Variants in NALF1 observed in about 807,000 individuals in gnomAD.
NALF1 encodes the protein family with sequence similarity 155 member A.
NALF1 carries 3 observed loss-of-function variants against 48.4 expected under a neutral mutation model. The ratio of observed to expected loss-of-function variants is 0.06; its 90% CI spans 0.03 to 0.16. The LOEUF (loss-of-function observed/expected upper bound fraction) is 0.16. Among genes scored for constraint, NALF1 ranks in the 10% least tolerant of loss-of-function variants. NALF1 has a pLI of 1.00. For missense variants in NALF1, 526 were observed against 571.5 expected (o/e 0.92, Z 0.81); for synonymous variants, 262 against 245.7 (o/e 1.07, Z -0.62).
intron 1 of NALF1, among the ~76,000 whole-genome samples, chr13:107,639,090 G>A (rs1880073776): frequency 6.6e-6 from 1 of 152,154 alleles, no homozygotes; most frequent in Non-Finnish European, 1.5e-5. Context: ...GTTCTCCTGA[G>A]AGAAATAATG....
chr13:107,371,734 C>T (rs1046324506), intron 1 of NALF1, among the ~76,000 whole-genome samples: 1 of 152,084 alleles, frequency 6.6e-6, no homozygotes, highest in South Asian at 2.1e-4. Flanking sequence ...CTTGAGAAGT[C>T]GAGATCAAAA....
At chr13:107,257,348 C>T (rs530202403) in intron 1 of NALF1, among the ~76,000 whole-genome samples, 2 of 152,152 alleles carry the variant, frequency 1.3e-5, no homozygotes. Flanking sequence ...TCTCTCCTCC[C>T]ATGGGGCATA....
At chr13:107,653,483 ATT>A (rs5806674) in intron 1 of NALF1, among the ~76,000 whole-genome samples, 97 of 150,990 alleles carry the variant, frequency 6.4e-4, no homozygotes, top group East Asian at 1.8e-3. Context: ...GCAGAGAGGT[ATT>A]TTTTTTTTTA....
chr13:107,170,843 A>G, intron 2 of NALF1, 57 bp from the exon 3 acceptor site: 3 of 1,505,892 alleles, frequency 2.0e-6, no homozygotes, highest in Non-Finnish European at 2.7e-6. Flanking sequence ...GCGACATAGT[A>G]GAGTGAAGCT....
chr13:107,846,345 G>T (rs763838654), intron 1 of NALF1, among the ~76,000 whole-genome samples: 3 of 152,178 alleles, frequency 2.0e-5, no homozygotes, highest in Non-Finnish European at 2.9e-5. Context: ...ACCACAAAAG[G>T]CATAGAATGT....
At chr13:107,634,051 T>A (rs1266033869) in intron 1 of NALF1, among the ~76,000 whole-genome samples, 3 of 151,960 alleles carry the variant, frequency 2.0e-5, no homozygotes, top group African/African-American at 7.2e-5. Flanking sequence ...TTTAAAATAA[T>A]CAAGATACAT....
At chr13:107,478,812 A>T (rs17466320) in intron 1 of NALF1, among the ~76,000 whole-genome samples, 8,842 of 152,210 alleles carry the variant, frequency 0.058, 344 homozygotes, top group Non-Finnish European at 0.086. Flanking sequence ...TGCCACTTCA[A>T]CACAAAAAGT....
chr13:107,364,776 CGTAAGAGCCTGACAACCT>C (rs56981451), intron 1 of NALF1, among the ~76,000 whole-genome samples: 51,792 of 151,924 alleles, frequency 0.34, 8,873 homozygotes, highest in Non-Finnish European at 0.37. Flanking sequence ...ACCCCAAGCT[CGTAAGAGCCTGACAACCT>C]GACCTAGGAT....
At chr13:107,460,821 G>A (rs756862075) in intron 1 of NALF1, among the ~76,000 whole-genome samples, 1 of 151,994 alleles carries the variant, frequency 6.6e-6, no homozygotes, top group Non-Finnish European at 1.5e-5. Flanking sequence ...AGGATTCTTT[G>A]CAGACTATAT....
chr13:107,164,166 C>T lies in NALF1; in HGVS notation c.*6331G>A, dbSNP rs1566437476. 1.3e-5 allele frequency: 2 copies of T among 152,294 alleles called. No individual in the cohort carries two copies. The highest frequency in any genetic ancestry group is 2.1e-4 in the South Asian group (1 of 4,824). 9.4% of individuals were successfully genotyped at this position (152,294 alleles called of 1,614,324 possible). A position where few individuals can be genotyped will look rare whatever the true frequency, so the allele number is the denominator to read the frequency against. On this transcript the variant is annotated 3_prime_UTR_variant, in exon 3 of 3. Coordinates refer to ENST00000375915, the MANE Select transcript of NALF1 (RefSeq NM_001080396.3). ...AAGTCTGTATTCATAGATCAATGCT[C>T]ATTACCTGGTCTTCACTGAAGTTGT...
At chr13:107,654,004 C>T (rs184893147) in intron 1 of NALF1, among the ~76,000 whole-genome samples, 11 of 151,782 alleles carry the variant, frequency 7.2e-5, no homozygotes, top group Admixed American at 7.2e-4. Context: ...AAATCAAAAC[C>T]CAAATCCATC....
At chr13:107,736,445 T>C (rs1461127091) in intron 1 of NALF1, among the ~76,000 whole-genome samples, 1 of 152,166 alleles carries the variant, frequency 6.6e-6, no homozygotes, top group Non-Finnish European at 1.5e-5. Context: ...TGCAACTCAG[T>C]AGGTGGGAAT....
chr13:107,389,949 G>C (rs1451573880), intron 1 of NALF1, among the ~76,000 whole-genome samples: 2 of 152,078 alleles, frequency 1.3e-5, no homozygotes, highest in Admixed American at 6.5e-5. Context: ...AACATGCCTT[G>C]TCAGATGTTT....
rs1340238771 is a variant in NALF1, at chr13:107,168,952, G to A, written c.*1545C>T. ...CCAAGTGTAGTTAGAGAATAGGAAGGAATGTAAAATTTTTTTTTTAATTAT... is the reference window on the plus strand; with the variant it reads ...CCAAGTGTAGTTAGAGAATAGGAAGAAATGTAAAATTTTTTTTTTAATTAT... On this transcript the variant is annotated 3_prime_UTR_variant, in exon 3 of 3. Transcript: ENST00000375915. The A allele has an allele frequency of 1.1e-5, 1 of 94,994 alleles. No individual in the cohort carries two copies. The allele number at this position is 94,994 out of a possible 1,614,324, so 5.9% of individuals were successfully genotyped here. A position where few individuals can be genotyped will look rare whatever the true frequency, so the allele number is the denominator to read the frequency against.
At chr13:107,666,966 GA>G (rs1880875040) in intron 1 of NALF1, among the ~76,000 whole-genome samples, 1 of 152,054 alleles carries the variant, frequency 6.6e-6, no homozygotes, top group African/African-American at 2.4e-5. Flanking sequence ...TTCTTTTAGT[GA>G]AAAACAATTT....
intron 1 of NALF1, among the ~76,000 whole-genome samples, chr13:107,395,703 C>G (rs940688378): frequency 1.3e-5 from 2 of 152,096 alleles, no homozygotes; most frequent in African/African-American, 4.8e-5. Flanking sequence ...ACAGTTCTTG[C>G]GGCTGGAAAT....
rs181979124 is a variant in NALF1 at position 107,716,111 on chromosome 13, T to C, written c.915+149571A>G. On this transcript the variant is annotated intron_variant, in intron 1 of 2. Coordinates refer to ENST00000375915, the MANE Select transcript of NALF1 (RefSeq NM_001080396.3). ...ATTTATGTCACCTTGCAAGGCAACA[T>C]TGATACCTTAGATCCCCCATCAATG... Among the ~76,000 whole-genome samples the C allele has an allele frequency of 5.1e-3, 777 of 152,286 alleles. 5 individuals are homozygous for C. Among genetic ancestry groups the C allele is most frequent in the Non-Finnish European group, 7.0e-3 (478 of 68,024 alleles).
intron 1 of NALF1, among the ~76,000 whole-genome samples, chr13:107,298,948 CT>C (rs1468483242): frequency 6.6e-6 from 1 of 151,876 alleles, no homozygotes; most frequent in African/African-American, 2.4e-5. Flanking sequence ...TTTTTTTCCC[CT>C]AATGTTCTTT....
intron 1 of NALF1, among the ~76,000 whole-genome samples, chr13:107,328,558 A>G (rs1171235048): frequency 2.0e-4 from 30 of 152,114 alleles, no homozygotes. Flanking sequence ...GCCTTGACAA[A>G]CCTTTGGTTT....
Sources: gnomAD v4.1 joint callset for allele counts (sites outside exome capture counted in the v4.1 genomes callset) on GRCh38, gnomAD v4.1.1 for gene constraint, MANE v1.5 for transcripts, NCBI Gene and HGNC (gene_info 2026-07-23, HGNC 2026-07-21) for gene names.